Variants in PLXDC1 observed in about 807,000 individuals in gnomAD.
The protein encoded by PLXDC1 is plexin domain-containing protein 1.
PLXDC1 carries 39 observed loss-of-function variants against 61.3 expected under a neutral mutation model. That is an observed-to-expected ratio of 0.64 (90% CI 0.49 to 0.83). The LOEUF is 0.83. PLXDC1 is among the 40% of genes least tolerant of loss of function. The pLI is 0.00. For synonymous variants in PLXDC1, 212 were observed against 254.5 expected (o/e 0.83, Z 1.59); for missense variants, 596 against 666.5 (o/e 0.89, Z 1.17).
At chr17:39,096,993 A>G in intron 7 of PLXDC1, 2 of 471,246 alleles carry the variant, frequency 4.2e-6, no homozygotes, top group South Asian at 3.1e-5. Flanking sequence ...AGTTTATACG[A>G]GGAAGTACTG....
At chr17:39,095,656 T>TTTTTG (rs952269323) in intron 7 of PLXDC1, among the ~76,000 whole-genome samples, 5 of 151,056 alleles carry the variant, frequency 3.3e-5, no homozygotes, top group African/African-American at 7.3e-5. Context: ...GGGGGGGTTG[T>TTTTTG]TTTTGTTTTG....
At chr17:39,086,859 C>CAAAAAAAAAA (rs765774886) in intron 8 of PLXDC1, among the ~76,000 whole-genome samples, 8,404 of 71,146 alleles carry the variant, frequency 0.12, 1,081 homozygotes, top group Admixed American at 0.19. Flanking sequence ...GAGACTGTCT[C>CAAAAAAAAAA]AAAAAAAAAA....
intron 1 of PLXDC1, among the ~76,000 whole-genome samples, chr17:39,141,120 G>A (rs142816137): frequency 7.7e-4 from 117 of 152,276 alleles, no homozygotes; most frequent in African/African-American, 2.7e-3. Flanking sequence ...GCCTCCAACT[G>A]CTGGGCTCAT....
chr17:39,129,811 A>G (rs370107282), intron 2 of PLXDC1, among the ~76,000 whole-genome samples: 1 of 152,056 alleles, frequency 6.6e-6, no homozygotes, highest in Non-Finnish European at 1.5e-5. Context: ...AAGAAAGGGA[A>G]AGAAATTTAA....
chr17:39,148,937 T>C (rs1306971208), intron 1 of PLXDC1, among the ~76,000 whole-genome samples: 1 of 152,058 alleles, frequency 6.6e-6, no homozygotes, highest in Non-Finnish European at 1.5e-5. Context: ...CAGTAGTTGG[T>C]ATTGAGCCTG....
intron 2 of PLXDC1, 71 bp downstream of exon 2, chr17:39,139,583 A>T: frequency 7.1e-7 from 1 of 1,402,920 alleles, no homozygotes. Flanking sequence ...TAGGACAAGC[A>T]CACCTGGGGC....
chr17:39,069,637 CACAGG>C, intron 13 of PLXDC1, among the ~76,000 whole-genome samples: 1 of 152,238 alleles, frequency 6.6e-6, no homozygotes, highest in African/African-American at 2.4e-5. Context: ...GGGGCTGTTC[CACAGG>C]ACAGGAGGGC....
chr17:39,134,110 C>T (rs1597658749), intron 2 of PLXDC1, among the ~76,000 whole-genome samples: 1 of 151,808 alleles, frequency 6.6e-6, no homozygotes. Flanking sequence ...ACAAAATAGC[C>T]GGGCGTGGTG....
chr17:39,075,317 A>G (rs1909284103), intron 11 of PLXDC1, among the ~76,000 whole-genome samples: 1 of 152,238 alleles, frequency 6.6e-6, no homozygotes, highest in Admixed American at 6.5e-5. Context: ...TCTCAGTGCC[A>G]GCTCCTTGTT....
intron 11 of PLXDC1, among the ~76,000 whole-genome samples, chr17:39,076,701 T>G (rs1041855158): frequency 1.7e-4 from 26 of 152,040 alleles, no homozygotes; most frequent in Non-Finnish European, 2.5e-4. Context: ...GGAAGGGGCT[T>G]TCAAAGCTGG....
At chr17:39,080,284 A>C (rs1177302808) in intron 9 of PLXDC1, 1 of 152,132 alleles carries the variant, frequency 6.6e-6, no homozygotes, top group Non-Finnish European at 1.5e-5. Flanking sequence ...CTCTTAAAAA[A>C]AAAAAATAGT....
At chr17:39,107,320 T>C in intron 6 of PLXDC1, 87 bp downstream of exon 6, 1 of 798,968 alleles carries the variant, frequency 1.3e-6, no homozygotes, top group Non-Finnish European at 2.1e-6. Flanking sequence ...GCAAGCCCCA[T>C]GCCTGGCACA....
intron 7 of PLXDC1, among the ~76,000 whole-genome samples, chr17:39,101,523 C>T (rs1463224348): frequency 6.6e-6 from 1 of 152,166 alleles, no homozygotes; most frequent in African/African-American, 2.4e-5. Flanking sequence ...GCGAGCCCCA[C>T]ACTTCTGTGG....
intron 2 of PLXDC1, among the ~76,000 whole-genome samples, chr17:39,134,772 C>T (rs773735562): frequency 1.6e-4 from 24 of 152,128 alleles, no homozygotes; most frequent in Admixed American, 1.0e-3. Flanking sequence ...CTCTTCACCA[C>T]CCCAGCTGCC....
chr17:39,129,001 CTCCA>C (rs1911445835), intron 2 of PLXDC1, among the ~76,000 whole-genome samples: 1 of 149,844 alleles, frequency 6.7e-6, no homozygotes, highest in Non-Finnish European at 1.5e-5. Flanking sequence ...CAGAGCAAGA[CTCCA>C]TCTCAAAAGA....
chr17:39,065,291 CA>C lies in PLXDC1; in HGVS notation c.*2548del, dbSNP rs1186945099. On this transcript the variant is annotated 3_prime_UTR_variant, in exon 14 of 14. Transcript: ENST00000315392. ...AGAGAGGCCTATGGATTTCTTAAGC[CA>C]AAACACTTGGACAAAGTCTCCCAAA... 2.0e-5 allele frequency: 3 copies of C among 151,700 alleles called. No individual in the cohort carries two copies. The highest frequency in any genetic ancestry group is 7.3e-5 in the African/African-American group (3 of 41,242). 9.4% of individuals were successfully genotyped at this position (151,700 alleles called of 1,614,324 possible).
At position 39,108,138 on chromosome 17, in the gene PLXDC1, C is replaced by T. The variant is rs757179772; in HGVS notation, c.577G>A (p.Val193Ile). The T allele has an allele frequency of 1.9e-6, 3 of 1,614,186 alleles. No homozygotes were observed. Among genetic ancestry groups the T allele is most frequent in the South Asian group, 2.2e-5 (2 of 91,080 alleles). Residue 193 changes from valine (V) to isoleucine (I), a missense_variant, in exon 5 of 14, where the codon GTT becomes ATT. Coordinates refer to ENST00000315392, the MANE Select transcript of PLXDC1 (RefSeq NM_020405.5). ...CCAGTCTCACCATTGTCAAAGTAAA[C>T]AACTGTGGAGTTGTCGGAGTAGCCA... Reference protein sequence around the residue: ...NPGYSDNSTVVYFDNGTVFVV... With the variant: ...NPGYSDNSTVIYFDNGTVFVV...
chr17:39,110,074 C>T (rs187474495), intron 2 of PLXDC1, among the ~76,000 whole-genome samples: 3 of 152,220 alleles, frequency 2.0e-5, no homozygotes, highest in East Asian at 1.9e-4. Context: ...ACTCGGGAGC[C>T]GAGATCGCGC....
At chr17:39,091,031 C>T (rs1325577541) in intron 7 of PLXDC1, among the ~76,000 whole-genome samples, 5 of 152,314 alleles carry the variant, frequency 3.3e-5, no homozygotes, top group South Asian at 2.1e-4. Flanking sequence ...TGTTCCCACC[C>T]GTCATCCTGC....
Sources: allele counts gnomAD v4.1 joint callset (sites outside exome capture counted in the v4.1 genomes callset), GRCh38; gene constraint gnomAD v4.1.1; transcripts MANE v1.5; gene names NCBI Gene and HGNC (gene_info 2026-07-23, HGNC 2026-07-21).